The following STARD13 variants were observed in gnomAD, a reference collection of about 807,000 sequenced individuals.
STARD13 encodes StAR related lipid transfer domain containing 13.
A neutral mutation model predicts 106.4 loss-of-function variants in STARD13; 62 were observed. The ratio of observed to expected loss-of-function variants is 0.58; its 90% CI spans 0.48 to 0.72. STARD13 has a LOEUF of 0.72. STARD13 is among the 30% of genes least tolerant of loss of function. STARD13 has a pLI of 0.00. For missense variants in STARD13, 1,387 were observed against 1,424.0 expected (o/e 0.97, Z 0.42); for synonymous variants, 565 against 553.0 (o/e 1.02, Z -0.31).
At chr13:33,125,144 C>G (rs189560565) in intron 7 of STARD13, among the ~76,000 whole-genome samples, 1 of 152,282 alleles carries the variant, frequency 6.6e-6, no homozygotes, top group African/African-American at 2.4e-5. Context: ...GGGGTCTCTA[C>G]AAGCATCACT....
chr13:33,230,812 G>A (rs1888880590), intron 1 of STARD13, among the ~76,000 whole-genome samples: 1 of 152,202 alleles, frequency 6.6e-6, no homozygotes, highest in East Asian at 1.9e-4. Flanking sequence ...CCCCTGATGT[G>A]CAAAGTGCCA....
the STARD13 span, among the ~76,000 whole-genome samples, chr13:33,535,935 G>A: frequency 6.6e-6 from 1 of 152,222 alleles, no homozygotes; most frequent in Non-Finnish European, 1.5e-5. Context: ...AGAGGACTGA[G>A]TGATCCCTTA....
chr13:33,106,054 T>G (rs1873650858), intron 13 of STARD13, among the ~76,000 whole-genome samples: 1 of 152,206 alleles, frequency 6.6e-6, no homozygotes, highest in Admixed American at 6.5e-5. Flanking sequence ...ATGAATGCCT[T>G]GAAGGGGTTG....
chr13:33,446,377 G>A, the STARD13 span, among the ~76,000 whole-genome samples: 1 of 151,780 alleles, frequency 6.6e-6, no homozygotes, highest in Non-Finnish European at 1.5e-5. Context: ...GAAGAGACAG[G>A]GATGATCACA....
intron 4 of STARD13, among the ~76,000 whole-genome samples, chr13:33,140,776 T>C (rs1879714514): frequency 6.6e-6 from 1 of 151,680 alleles, no homozygotes; most frequent in African/African-American, 2.4e-5. Context: ...CTTTTTTTTT[T>C]TTTTGAGGCG....
chr13:33,631,148 C>A, the STARD13 span, among the ~76,000 whole-genome samples: 1 of 152,172 alleles, frequency 6.6e-6, no homozygotes, highest in Non-Finnish European at 1.5e-5. Context: ...GAGCTTACAA[C>A]AAGACTCACT....
chr13:33,507,840 TATTG>T, the STARD13 span, among the ~76,000 whole-genome samples: 3 of 152,272 alleles, frequency 2.0e-5, no homozygotes, highest in South Asian at 2.1e-4. Flanking sequence ...ATATATTTAT[TATTG>T]ATTAAGTGGA....
At chr13:33,118,041 A>T in intron 8 of STARD13, 24 bp downstream of exon 8, 1 of 1,612,558 alleles carries the variant, frequency 6.2e-7, no homozygotes, top group Non-Finnish European at 8.5e-7. Flanking sequence ...CCACGAGAAC[A>T]CCAATCTCAT....
chr13:33,536,442 G>T, the STARD13 span, among the ~76,000 whole-genome samples: 2 of 152,186 alleles, frequency 1.3e-5, no homozygotes, highest in African/African-American at 4.8e-5. Context: ...ATTTGATTCT[G>T]AAATATATTT....
chr13:33,172,023 C>G (rs1033570213), intron 1 of STARD13, among the ~76,000 whole-genome samples: 8 of 152,146 alleles, frequency 5.3e-5, no homozygotes, highest in African/African-American at 1.9e-4. Context: ...AACATATTAT[C>G]ATGTTTCTTA....
intron 1 of STARD13, among the ~76,000 whole-genome samples, chr13:33,265,756 G>T (rs1463953331): frequency 6.6e-6 from 1 of 151,992 alleles, no homozygotes; most frequent in Non-Finnish European, 1.5e-5. Flanking sequence ...TGAAATTTCT[G>T]TTGTAAGGTG....
the STARD13 span, among the ~76,000 whole-genome samples, chr13:33,373,780 A>G: frequency 6.6e-6 from 1 of 152,064 alleles, no homozygotes; most frequent in East Asian, 1.9e-4. Flanking sequence ...TTAAAAAAAA[A>G]ACATAGAAAA....
chr13:33,379,567 G>A, the STARD13 span, among the ~76,000 whole-genome samples: 1 of 152,116 alleles, frequency 6.6e-6, no homozygotes, highest in Non-Finnish European at 1.5e-5. Flanking sequence ...TTCTCTCACT[G>A]GGAAGGCATG....
chr13:33,282,429 C>T lies in STARD13; in HGVS notation c.169+3041G>A, dbSNP rs1218286043. Among the ~76,000 whole-genome samples, 3 of 152,230 alleles carry T rather than the reference C, an allele frequency of 2.0e-5. No individual in the cohort carries two copies. In the East Asian group the frequency reaches 5.8e-4, roughly 29 times the overall value. On this transcript the variant is annotated intron_variant, in intron 1 of 13. Coordinates refer to ENST00000336934, the MANE Select transcript of STARD13 (RefSeq NM_178006.4). Reference sequence around the variant, plus strand: ...CATCAAAGATTCCTTTATTTCTCCTCCTTGTTTTTCCTCCCCATGAGTGTA... The same window carrying T: ...CATCAAAGATTCCTTTATTTCTCCTTCTTGTTTTTCCTCCCCATGAGTGTA...
rs757185793 is a variant in STARD13 at position 33,130,235 on chromosome 13, T to C, written c.442A>G (p.Arg148Gly). Residue 148 changes from arginine (R) to glycine (G), a missense_variant, in exon 5 of 14, where the codon AGA (arginine) becomes GGA (glycine). By Grantham distance (125) the Arg-to-Gly change is moderately radical. Transcript: ENST00000336934. This position sits in a 1 kb window ranked among gnomAD's most constrained non-coding sequence, Gnocchi z 4.1. ...ACACGAGACCACCTGCGACTGGTTC[T>C]TTGGAAAGTCCATTTGTTGCTGATA... The part of the protein sequence containing the change: ...LCISNKWTFQ[R>G]TSRRWSRVDD... 6.2e-7 allele frequency: 1 copy of C among 1,608,752 alleles called. No individual in the cohort carries two copies. The highest frequency in any genetic ancestry group is 8.5e-7 in the Non-Finnish European group (1 of 1,179,986).
the STARD13 span, among the ~76,000 whole-genome samples, chr13:33,665,267 A>C: frequency 6.6e-6 from 1 of 152,236 alleles, no homozygotes; most frequent in Non-Finnish European, 1.5e-5. Context: ...TTATGCAATA[A>C]ATTTTCAAAG....
At chr13:33,469,099 C>T in the STARD13 span, among the ~76,000 whole-genome samples, 3 of 152,212 alleles carry the variant, frequency 2.0e-5, no homozygotes, top group African/African-American at 4.8e-5. Context: ...TACATGCTTA[C>T]TATGCATCAA....
chr13:33,263,235 T>C (rs953416685), intron 1 of STARD13, among the ~76,000 whole-genome samples: 2 of 152,108 alleles, frequency 1.3e-5, no homozygotes, highest in African/African-American at 4.8e-5. Flanking sequence ...GCCCACTAGA[T>C]GCCAGCAGCA....
At chr13:33,245,779 G>T (rs1424791000) in intron 1 of STARD13, among the ~76,000 whole-genome samples, 2 of 152,166 alleles carry the variant, frequency 1.3e-5, no homozygotes, top group Admixed American at 6.5e-5. Flanking sequence ...AAGAACCTTT[G>T]TCTTCCATGA....
Sources: allele counts gnomAD v4.1 joint callset (sites outside exome capture counted in the v4.1 genomes callset), GRCh38; gene constraint gnomAD v4.1.1; non-coding constraint Gnocchi (gnomAD v3.1); transcripts MANE v1.5; gene names NCBI Gene and HGNC (gene_info 2026-07-23, HGNC 2026-07-21).